Variants in RPTOR observed in about 807,000 individuals in gnomAD.
The protein encoded by RPTOR is regulatory-associated protein of mTOR.
Under a neutral mutation model 169.9 loss-of-function variants are expected in RPTOR, and 21 were observed. The observed-to-expected ratio is 0.12, with a 90% CI of 0.09 to 0.18. The LOEUF (loss-of-function observed/expected upper bound fraction) is 0.18. Among genes scored for constraint, RPTOR ranks in the 10% least tolerant of loss-of-function variants. RPTOR has a pLI of 1.00. For missense variants in RPTOR, 1,133 were observed against 1,855.9 expected, an observed-to-expected ratio of 0.61 and a Z score of 7.16; for synonymous variants, 732 against 753.2, an observed-to-expected ratio of 0.97 and a Z score of 0.46.
intron 6 of RPTOR, among the ~76,000 whole-genome samples, chr17:80,791,053 A>T (rs1243608298): frequency 1.3e-5 from 2 of 151,930 alleles, no homozygotes; most frequent in African/African-American, 4.8e-5. Context: ...TCTTGAGGCT[A>T]CTCATTTATT....
intron 7 of RPTOR, among the ~76,000 whole-genome samples, chr17:80,794,323 T>G (rs943084426): frequency 6.6e-6 from 1 of 152,154 alleles, no homozygotes; most frequent in African/African-American, 2.4e-5. Flanking sequence ...GGATGGCAAA[T>G]ATGCTTATGA....
At chr17:80,815,477 G>A (rs1023109035) in intron 7 of RPTOR, among the ~76,000 whole-genome samples, 1 of 152,214 alleles carries the variant, frequency 6.6e-6, no homozygotes, top group African/African-American at 2.4e-5. Flanking sequence ...TCCTGCCAAG[G>A]GCCCAGCCCC....
chr17:80,839,625 G>C (rs1445800608), intron 10 of RPTOR, among the ~76,000 whole-genome samples: 1 of 152,170 alleles, frequency 6.6e-6, no homozygotes, highest in Non-Finnish European at 1.5e-5. Flanking sequence ...GACGCCAGCT[G>C]TCCACCCTCA....
At chr17:80,664,307 T>G (rs1273341255) in intron 3 of RPTOR, among the ~76,000 whole-genome samples, 2 of 152,212 alleles carry the variant, frequency 1.3e-5, no homozygotes, top group Non-Finnish European at 2.9e-5. Flanking sequence ...TAGCTGTGTT[T>G]ATTTTTTTCC....
intron 1 of RPTOR, among the ~76,000 whole-genome samples, chr17:80,570,125 GACTGTC>G (rs2064888061): frequency 6.6e-6 from 1 of 152,252 alleles, no homozygotes; most frequent in Admixed American, 6.5e-5. Context: ...TCAGCTCAGT[GACTGTC>G]ACGGTCTGCA....
chr17:80,628,383 A>AT (rs1304073654), intron 2 of RPTOR, among the ~76,000 whole-genome samples: 2 of 151,786 alleles, frequency 1.3e-5, no homozygotes, highest in Non-Finnish European at 2.9e-5. Flanking sequence ...AAAATTCTTC[A>AT]TTTTGTCTTT....
chr17:80,964,408 CGGCTGCTGCGGCCCCGCAGTGTGAACGTT>C lies in RPTOR; in HGVS notation c.*88_*116del. 1 of 1,395,218 alleles carries C rather than the reference CGGCTGCTGCGGCCCCGCAGTGTGAACGTT, an allele frequency of 7.2e-7. No individual in the cohort carries two copies. The highest frequency in any genetic ancestry group is 1.0e-6 in the Non-Finnish European group (1 of 996,252). The allele number at this position is 1,395,218 out of a possible 1,614,324, so 86.4% of individuals were successfully genotyped here. On this transcript the variant is annotated 3_prime_UTR_variant, in exon 34 of 34. Coordinates refer to ENST00000306801, the MANE Select transcript of RPTOR (RefSeq NM_020761.3). ...TGTCACTCGCCGGGGCACGGGGCGT[CGGCTGCTGCGGCCCCGCAGTGTGAACGTT>C]GGCTGCTGCCTTAGCTGCTGATGAC...
chr17:80,589,435 C>T (rs2065087827), intron 1 of RPTOR, among the ~76,000 whole-genome samples: 1 of 152,140 alleles, frequency 6.6e-6, no homozygotes, highest in African/African-American at 2.4e-5. Flanking sequence ...CCCTGTGTCC[C>T]TTTGCATTTC....
At chr17:80,928,094 C>T (rs1347656724) in intron 24 of RPTOR, among the ~76,000 whole-genome samples, 1 of 152,228 alleles carries the variant, frequency 6.6e-6, no homozygotes, top group Non-Finnish European at 1.5e-5. Flanking sequence ...GTTGAAACAA[C>T]AGGCTCTGGG....
intron 1 of RPTOR, among the ~76,000 whole-genome samples, chr17:80,603,626 C>G (rs780099041): frequency 2.0e-5 from 3 of 152,072 alleles, no homozygotes; most frequent in Non-Finnish European, 4.4e-5. Flanking sequence ...AGAAAGATAA[C>G]GAAGCAAAAC....
intron 5 of RPTOR, among the ~76,000 whole-genome samples, chr17:80,741,964 T>C (rs1372516415): frequency 6.6e-6 from 1 of 152,252 alleles, no homozygotes; most frequent in Middle Eastern, 3.4e-3. Flanking sequence ...GAAAGCCTTC[T>C]AGAAGTAGGG....
intron 20 of RPTOR, among the ~76,000 whole-genome samples, chr17:80,900,367 T>C (rs7208146): frequency 0.72 from 109,686 of 151,326 alleles, 40,180 homozygotes; most frequent in Admixed American, 0.78. Context: ...CTCTTGTCAC[T>C]CCAGCTAGGG....
rs111931222 is a variant in RPTOR, at chr17:80,562,265, G to A, written c.162+16474G>A. Among the ~76,000 whole-genome samples the A allele has an allele frequency of 1.4e-4, 22 of 152,298 alleles. No individual in the cohort carries two copies. Among genetic ancestry groups the A allele is most frequent in the African/African-American group, 5.1e-4 (21 of 41,566 alleles). On this transcript the variant is annotated intron_variant, in intron 1 of 33. Coordinates refer to ENST00000306801, the MANE Select transcript of RPTOR (RefSeq NM_020761.3). This position sits in a 1 kb window ranked among gnomAD's most constrained non-coding sequence, Gnocchi z 4.4. ...AGGCATTTGGAAAGCCAAAGAACACGTGTTTGCTTGTGAAAACTTAAGGAA... is the reference window on the plus strand; with the variant it reads ...AGGCATTTGGAAAGCCAAAGAACACATGTTTGCTTGTGAAAACTTAAGGAA...
rs764808937 is a variant in RPTOR, at chr17:80,923,502, G to A, written c.2637G>A (p.Pro879=). 2.0e-5 allele frequency: 33 copies of A among 1,613,150 alleles called. 1 individual carries two copies. The highest frequency in any genetic ancestry group is 3.3e-4 in the Middle Eastern group (2 of 6,082). ...VHIHQAGGSP[P]ASSTSSSSLT... ...CTTCCAATGGCAGGGGCTCCCCTCC[G>A]GCGTCCAGCACCAGCAGCTCCAGCC... The change falls in exon 23 of 34, where the codon CCG becomes CCA. Residue 879 remains proline (P), a synonymous_variant. Transcript: ENST00000306801.
chr17:80,888,438 T>A (rs1384783429), intron 17 of RPTOR, among the ~76,000 whole-genome samples: 1 of 151,992 alleles, frequency 6.6e-6, no homozygotes, highest in Non-Finnish European at 1.5e-5. Context: ...AGGAGCTGAG[T>A]TTTATGATGC....
intron 28 of RPTOR, among the ~76,000 whole-genome samples, chr17:80,950,562 C>T (rs1358947433): frequency 6.6e-6 from 1 of 152,122 alleles, no homozygotes; most frequent in African/African-American, 2.4e-5. Context: ...ATCATCCACA[C>T]CCCGCACTCC....
chr17:80,827,747 C>T (rs890260813), intron 9 of RPTOR, among the ~76,000 whole-genome samples: 9 of 152,158 alleles, frequency 5.9e-5, no homozygotes, highest in Admixed American at 3.9e-4. Context: ...GCACACCAGT[C>T]GCGGCGGGTG....
chr17:80,606,309 C>CTT lies in RPTOR; in HGVS notation c.163-19364_163-19363dup, dbSNP rs56331722. ...ACAGGCATGAGCCACGGTGCCTGGC[C>CTT]TTTTTTTTTTTTTTTTTTTGAGACA... On this transcript the variant is annotated intron_variant, in intron 1 of 33. Transcript: ENST00000306801. 8.2e-3 allele frequency among the ~76,000 whole-genome samples: 1,016 copies of CTT among 123,828 alleles called. 20 individuals are homozygous for CTT. The highest frequency in any genetic ancestry group is 0.053 in the South Asian group (195 of 3,648). 81.2% of individuals were successfully genotyped at this position (123,828 alleles called of 152,430 possible). A position where few individuals can be genotyped will look rare whatever the true frequency, so the allele number is the denominator to read the frequency against.
At chr17:80,713,390 A>T (rs35363308) in intron 4 of RPTOR, among the ~76,000 whole-genome samples, 26,716 of 152,096 alleles carry the variant, frequency 0.18, 3,759 homozygotes, top group African/African-American at 0.39. Flanking sequence ...AAATATGTCC[A>T]CCCAGTTTGT....
Sources: allele counts gnomAD v4.1 joint callset (sites outside exome capture counted in the v4.1 genomes callset), GRCh38; gene constraint gnomAD v4.1.1; non-coding constraint Gnocchi (gnomAD v3.1); transcripts MANE v1.5; gene names NCBI Gene and HGNC (gene_info 2026-07-23, HGNC 2026-07-21).